NPIPB9: variants seen among roughly 807,000 people sequenced by gnomAD.
NPIPB9 encodes nuclear pore complex interacting protein family member B9.
In NPIPB9, 1 loss-of-function variant was observed where a neutral mutation model predicts 5.6. The observed-to-expected ratio is 0.18, with a 90% CI of 0.06 to 0.84. The LOEUF (loss-of-function observed/expected upper bound fraction) is 0.84. Among genes scored for constraint, NPIPB9 ranks in the 40% least tolerant of loss-of-function variants. The probability of loss-of-function intolerance (pLI) is 0.70; values close to 1 mark genes in which losing one functional copy is unlikely to be tolerated. For missense variants in NPIPB9, 3 were observed against 39.1 expected (o/e 0.08, Z 2.46); for synonymous variants, 2 against 12.5 (o/e 0.16, Z 1.77).
chr16:28,753,533 C>T (rs1297952746), intron 1 of NPIPB9, among the ~76,000 whole-genome samples: 7 of 39,972 alleles, frequency 1.8e-4, no homozygotes, highest in African/African-American at 6.1e-4. Flanking sequence ...CACATACATA[C>T]ACACACACAC....
chr16:28,753,531 T>G (rs572098107), intron 1 of NPIPB9, among the ~76,000 whole-genome samples: 6 of 42,046 alleles, frequency 1.4e-4, no homozygotes, highest in Admixed American at 8.5e-4. Context: ...CACACATACA[T>G]ACACACACAC....
rs562274141 is a variant in NPIPB9, at chr16:28,753,493, G to C, written c.25+901G>C. ...ATCTCAAAAATGATCTTTTATTTTT[G>C]AGATTTATATAGATACACACACACA... On this transcript the variant is annotated intron_variant, in intron 1 of 7. Transcript: ENST00000550983. 1.9e-4 allele frequency among the ~76,000 whole-genome samples: 13 copies of C among 67,752 alleles called. 1 individual carries two copies. In the East Asian group the frequency reaches 4.4e-3, roughly 23 times the overall value. 44.4% of individuals were successfully genotyped at this position (67,752 alleles called of 152,430 possible). A position where few individuals can be genotyped will look rare whatever the true frequency, so the allele number is the denominator to read the frequency against.
At chr16:28,769,636 A>T (rs2049331807) in intron 5 of NPIPB9, 1 of 635,146 alleles carries the variant, frequency 1.6e-6, no homozygotes, top group South Asian at 1.2e-4. Flanking sequence ...ACCTCTGTAC[A>T]ATGTTTAGAC....
At chr16:28,769,686 T>C (rs574194538) in intron 5 of NPIPB9, 1 of 835,282 alleles carries the variant, frequency 1.2e-6, no homozygotes, top group South Asian at 6.9e-5. Context: ...TCAGAAGACA[T>C]ATCGTGAGAG....
At chr16:28,758,654 ACCT>A (rs1227194897) in intron 2 of NPIPB9, 1 of 175,252 alleles carries the variant, frequency 5.7e-6, no homozygotes, top group East Asian at 1.2e-4. Flanking sequence ...GCCCTAAGCC[ACCT>A]CCACCTCTGT....
intron 2 of NPIPB9, chr16:28,758,569 C>A: frequency 1.4e-5 from 1 of 71,266 alleles, no homozygotes; most frequent in Middle Eastern, 4.3e-3. Flanking sequence ...CCCTCCCCCT[C>A]CCCTTCCCCT....
intron 3 of NPIPB9, among the ~76,000 whole-genome samples, chr16:28,765,721 TTGTGTGTGTGTGTGTGTGTGTGTGTGTG>T (rs761146509): frequency 7.9e-5 from 3 of 38,044 alleles, no homozygotes; most frequent in African/African-American, 3.4e-4. Flanking sequence ...CATGTCATTC[TTGTGTGTGTGTGTGTGTGTGTGTGTGTG>T]TGTGTGTGTG....
rs1179314816 is a variant in NPIPB9 at position 28,767,194 on chromosome 16, AT to A, written c.590+724del. Among the ~76,000 whole-genome samples, 134 of 44,204 alleles carry A rather than the reference AT, an allele frequency of 3.0e-3. 4 individuals are homozygous for A. The highest frequency in any genetic ancestry group is 0.012 in the African/African-American group (111 of 9,280). 29.0% of individuals were successfully genotyped at this position (44,204 alleles called of 152,430 possible). A position where few individuals can be genotyped will look rare whatever the true frequency, so the allele number is the denominator to read the frequency against. On this transcript the variant is annotated intron_variant, in intron 5 of 7. Transcript: ENST00000550983. ...AGGTGTGTGCCACCACATTCGGCCA[AT>A]TTTTTTTTTTTTTTTTTTGAGACAG...
At chr16:28,753,864 GA>G (rs542621109) in intron 1 of NPIPB9, among the ~76,000 whole-genome samples, 2,084 of 57,534 alleles carry the variant, frequency 0.036, 220 homozygotes, top group African/African-American at 0.058. Flanking sequence ...CCCGGTCCAA[GA>G]TAAAATTATT....
At position 28,753,575 on chromosome 16, in the gene NPIPB9, T is replaced by G. The variant is rs955659884; in HGVS notation, c.25+983T>G. ...ACACACACACACACACACACACATATAGAGAGAGAGACAGAGTTTCACTCT... is the reference window on the plus strand; with the variant it reads ...ACACACACACACACACACACACATAGAGAGAGAGAGACAGAGTTTCACTCT... On this transcript the variant is annotated intron_variant, in intron 1 of 7. Transcript: ENST00000550983. Among the ~76,000 whole-genome samples the G allele has an allele frequency of 2.6e-3, 136 of 52,562 alleles. 15 individuals carry two copies. Among genetic ancestry groups the G allele is most frequent in the East Asian group, 9.8e-3 (17 of 1,742 alleles). The allele number at this position is 52,562 out of a possible 152,430, so 34.5% of individuals were successfully genotyped here.
At chr16:28,765,774 T>TGTGA (rs1332789416) in intron 3 of NPIPB9, among the ~76,000 whole-genome samples, 37 of 78,818 alleles carry the variant, frequency 4.7e-4, no homozygotes, top group East Asian at 1.3e-3. Flanking sequence ...TGTGTGTGTG[T>TGTGA]GACAGAGTCT....
chr16:28,754,896 G>A (rs1313430985), intron 1 of NPIPB9, among the ~76,000 whole-genome samples: 2 of 139,526 alleles, frequency 1.4e-5, no homozygotes, highest in South Asian at 2.3e-4. Context: ...AATCAGCAGT[G>A]AACTCAGAAT....
rs1383694612 is a variant in NPIPB9, at chr16:28,753,839, G to A, written c.25+1247G>A. Among the ~76,000 whole-genome samples the A allele has an allele frequency of 6.4e-5, 4 of 62,680 alleles. 1 individual carries two copies. Among genetic ancestry groups the A allele is most frequent in the Non-Finnish European group, 1.0e-4 (3 of 28,660 alleles). 41.1% of individuals were successfully genotyped at this position (62,680 alleles called of 152,430 possible). On this transcript the variant is annotated intron_variant, in intron 1 of 7. Transcript: ENST00000550983. ...GCCTCCCAAAGTGCTGGGACTATAGGTGTGAGCCGCTGCACCCGGTCCAAG... is the reference window on the plus strand; with the variant it reads ...GCCTCCCAAAGTGCTGGGACTATAGATGTGAGCCGCTGCACCCGGTCCAAG...
chr16:28,752,548 CA>C (rs1367523416), exon 1 of NPIPB9: 1 of 1,372,308 alleles, frequency 7.3e-7, no homozygotes, highest in Non-Finnish European at 1.0e-6. Flanking sequence ...GGAGCTGCAG[CA>C]GCATGTAAAG....
At chr16:28,758,511 TACTTCCCC>T (rs2048924280) in intron 2 of NPIPB9, 2 of 66,754 alleles carry the variant, frequency 3.0e-5, no homozygotes, top group Admixed American at 1.5e-4. Context: ...TCCCTTCCCT[TACTTCCCC>T]CCTTCCCCTC....
At chr16:28,754,752 A>G (rs1289898747) in intron 1 of NPIPB9, among the ~76,000 whole-genome samples, 6 of 139,272 alleles carry the variant, frequency 4.3e-5, no homozygotes, top group African/African-American at 1.6e-4. Flanking sequence ...AACTGATGGG[A>G]AATGACAGGA....
intron 2 of NPIPB9, chr16:28,758,566 C>T (rs2048935793): frequency 1.5e-5 from 1 of 68,320 alleles, no homozygotes; most frequent in Non-Finnish European, 2.8e-5. Flanking sequence ...TTCCCCTCCC[C>T]CTCCCCTTCC....
intron 2 of NPIPB9, among the ~76,000 whole-genome samples, chr16:28,761,854 C>T (rs1248482836): frequency 2.4e-4 from 2 of 8,326 alleles, no homozygotes; most frequent in East Asian, 1.3e-3. Context: ...CCAGCCTGGG[C>T]GACTGAGTGG....
At chr16:28,765,403 ATTTTT>A (rs1206825669) in intron 3 of NPIPB9, among the ~76,000 whole-genome samples, 1 of 34,242 alleles carries the variant, frequency 2.9e-5, no homozygotes, top group Admixed American at 2.8e-4. Context: ...CACCTGGGCT[ATTTTT>A]TTTTTTTTTT....
Sources: gnomAD v4.1 joint callset for allele counts (sites outside exome capture counted in the v4.1 genomes callset) on GRCh38, gnomAD v4.1.1 for gene constraint, MANE v1.5 for transcripts, NCBI Gene and HGNC (gene_info 2026-07-23, HGNC 2026-07-21) for gene names.